The following SGCZ variants were observed in gnomAD, a reference collection of about 807,000 sequenced individuals.
SGCZ encodes sarcoglycan zeta, also known as zeta-sarcoglycan.
A neutral mutation model predicts 41.3 loss-of-function variants in SGCZ; 40 were observed. The observed-to-expected ratio is 0.97, with a 90% CI of 0.75 to 1.26. The LOEUF (loss-of-function observed/expected upper bound fraction) is 1.26. Ranked by LOEUF, SGCZ falls within the 50% of genes most tolerant of loss-of-function variation. The probability of loss-of-function intolerance (pLI) is 0.00; values close to 1 mark genes in which losing one functional copy is unlikely to be tolerated. For synonymous variants in SGCZ, 206 were observed against 137.5 expected (o/e 1.50, Z -3.49); for missense variants, 552 against 369.8 (o/e 1.49, Z -4.04).
intron 2 of SGCZ, among the ~76,000 whole-genome samples, chr8:14,340,673 C>T (rs1049644290): frequency 5.3e-5 from 8 of 152,134 alleles, no homozygotes; most frequent in Non-Finnish European, 1.0e-4. Flanking sequence ...GACACAGTAG[C>T]TTATAGCAGA....
intron 1 of SGCZ, among the ~76,000 whole-genome samples, chr8:14,720,598 G>A (rs564213912): frequency 6.6e-6 from 1 of 152,110 alleles, no homozygotes; most frequent in East Asian, 1.9e-4. Flanking sequence ...GCAAACTCTG[G>A]CTCACAAGTA....
intron 2 of SGCZ, among the ~76,000 whole-genome samples, chr8:14,421,907 G>A (rs994090772): frequency 6.6e-6 from 1 of 152,116 alleles, no homozygotes; most frequent in Non-Finnish European, 1.5e-5. Flanking sequence ...AAGAATGTTA[G>A]TGGGAAGCTT....
intron 1 of SGCZ, among the ~76,000 whole-genome samples, chr8:14,619,006 T>C (rs1806197844): frequency 6.6e-6 from 1 of 152,132 alleles, no homozygotes; most frequent in African/African-American, 2.4e-5. Flanking sequence ...AGTGAACACA[T>C]GAACCTGGAG....
intron 1 of SGCZ, among the ~76,000 whole-genome samples, chr8:15,080,438 G>C (rs1433335127): frequency 2.0e-5 from 3 of 152,036 alleles, no homozygotes; most frequent in Admixed American, 2.0e-4. Context: ...GGTAGTGTGC[G>C]TTAGGGACTG....
intron 1 of SGCZ, among the ~76,000 whole-genome samples, chr8:14,974,864 GA>G (rs58302235): frequency 0.44 from 58,322 of 132,442 alleles, 12,134 homozygotes; most frequent in African/African-American, 0.49. Flanking sequence ...GTGATTTTAG[GA>G]AAAAAAAAAA....
At chr8:14,983,691 C>T (rs1801743393) in intron 1 of SGCZ, among the ~76,000 whole-genome samples, 1 of 152,070 alleles carries the variant, frequency 6.6e-6, no homozygotes, top group Non-Finnish European at 1.5e-5. Flanking sequence ...GAGGTGAATT[C>T]TCACAACCAT....
intron 3 of SGCZ, among the ~76,000 whole-genome samples, chr8:14,296,952 G>A (rs1429673136): frequency 2.6e-5 from 4 of 151,390 alleles, no homozygotes; most frequent in East Asian, 1.9e-4. Context: ...TCGGATTTTC[G>A]CTCTTGTTGC....
At chr8:14,868,287 G>T (rs1804007262) in intron 1 of SGCZ, among the ~76,000 whole-genome samples, 1 of 152,082 alleles carries the variant, frequency 6.6e-6, no homozygotes, top group Non-Finnish European at 1.5e-5. Flanking sequence ...CTCAAATCTT[G>T]CATCTTCTGT....
chr8:14,506,176 A>AAAACAAAC (rs74273419), intron 2 of SGCZ, among the ~76,000 whole-genome samples: 2 of 151,858 alleles, frequency 1.3e-5, no homozygotes, highest in African/African-American at 4.8e-5. Context: ...TGTCTACTAA[A>AAAACAAAC]AAACAAACAA....
At chr8:15,138,112 A>G (rs1321454119) in intron 1 of SGCZ, among the ~76,000 whole-genome samples, 2 of 152,166 alleles carry the variant, frequency 1.3e-5, no homozygotes, top group Non-Finnish European at 2.9e-5. Context: ...AAAGGAGATC[A>G]TTTTGGAACT....
chr8:14,828,528 C>A (rs751574631), intron 1 of SGCZ, among the ~76,000 whole-genome samples: 2 of 152,160 alleles, frequency 1.3e-5, no homozygotes, highest in Non-Finnish European at 2.9e-5. Flanking sequence ...TAATCAAGAT[C>A]CTGAAGCACT....
intron 1 of SGCZ, among the ~76,000 whole-genome samples, chr8:14,820,446 A>G (rs1284249951): frequency 6.6e-6 from 1 of 152,066 alleles, no homozygotes; most frequent in Non-Finnish European, 1.5e-5. Flanking sequence ...CTAGGAAAAA[A>G]GTCTACAAAG....
At chr8:14,164,028 T>TA (rs1204598574) in intron 5 of SGCZ, among the ~76,000 whole-genome samples, 2 of 152,178 alleles carry the variant, frequency 1.3e-5, no homozygotes, top group Non-Finnish European at 2.9e-5. Flanking sequence ...TTACCTTTTT[T>TA]AAAATTTTAA....
chr8:15,134,815 G>A (rs1432689503), intron 1 of SGCZ, among the ~76,000 whole-genome samples: 1 of 152,134 alleles, frequency 6.6e-6, no homozygotes, highest in Non-Finnish European at 1.5e-5. Flanking sequence ...AAATATCTCA[G>A]AACTTTTAAT....
chr8:14,426,269 A>C (rs1020011924), intron 2 of SGCZ, among the ~76,000 whole-genome samples: 1 of 152,192 alleles, frequency 6.6e-6, no homozygotes, highest in East Asian at 1.9e-4. Flanking sequence ...TAAGTGTTAT[A>C]AAGTGAAATA....
intron 1 of SGCZ, among the ~76,000 whole-genome samples, chr8:15,136,854 G>C (rs964256764): frequency 6.6e-6 from 1 of 152,128 alleles, no homozygotes; most frequent in African/African-American, 2.4e-5. Context: ...AATTGGTACT[G>C]GTAGAGTGAG....
intron 1 of SGCZ, among the ~76,000 whole-genome samples, chr8:14,873,756 T>A (rs1048500404): frequency 2.6e-5 from 4 of 152,162 alleles, no homozygotes; most frequent in African/African-American, 9.6e-5. Flanking sequence ...TATTTGGATA[T>A]TGTTTGAAGA....
chr8:14,652,346 A>AGGGG (rs200127643), intron 1 of SGCZ, among the ~76,000 whole-genome samples: 45 of 50,686 alleles, frequency 8.9e-4, no homozygotes, highest in African/African-American at 1.7e-3. Flanking sequence ...AAAAAAAAAA[A>AGGGG]GGGGGGGGTG....
chr8:14,810,193 C>T (rs949205618), intron 1 of SGCZ, among the ~76,000 whole-genome samples: 5 of 151,918 alleles, frequency 3.3e-5, no homozygotes, highest in Admixed American at 6.6e-5. Context: ...TAACAAGATA[C>T]TTAATATAAT....
Sources: allele counts gnomAD v4.1 joint callset (sites outside exome capture counted in the v4.1 genomes callset), GRCh38; gene constraint gnomAD v4.1.1; transcripts MANE v1.5; gene names NCBI Gene and HGNC (gene_info 2026-07-23, HGNC 2026-07-21).